ZC3H14: variants seen among roughly 807,000 people sequenced by gnomAD.
The protein encoded by ZC3H14 is zinc finger CCCH domain-containing protein 14.
In ZC3H14, 31 loss-of-function variants were observed where a neutral mutation model predicts 92.4. The observed-to-expected ratio is 0.34, with a 90% CI of 0.25 to 0.45. The LOEUF (loss-of-function observed/expected upper bound fraction) is 0.45, where lower values mean the gene tolerates loss of function less well. Among genes scored for constraint, ZC3H14 ranks in the 20% least tolerant of loss-of-function variants. The pLI is 1.00. For synonymous variants in ZC3H14, 321 were observed against 300.9 expected (o/e 1.07, Z -0.69); for missense variants, 781 against 897.3 (o/e 0.87, Z 1.66).
At chr14:88,602,735 A>G in intron 11 of ZC3H14, 93 bp from the exon 12 acceptor site, 1 of 1,335,768 alleles carries the variant, frequency 7.5e-7, no homozygotes, top group Non-Finnish European at 1.1e-6. Context: ...CGCAAAGCCA[A>G]GGGAGTGATA....
rs1055329694 is a variant in ZC3H14 at position 88,615,035 on chromosome 14, C to G, written c.*3284C>G. The G allele has an allele frequency of 1.3e-5, 2 of 152,212 alleles. No individual in the cohort carries two copies. Among genetic ancestry groups the G allele is most frequent in the Non-Finnish European group, 2.9e-5 (2 of 68,032 alleles). The allele number at this position is 152,212 out of a possible 1,614,324, so 9.4% of individuals were successfully genotyped here. On this transcript the variant is annotated 3_prime_UTR_variant, in exon 17 of 17. Coordinates refer to ENST00000251038, the MANE Select transcript of ZC3H14 (RefSeq NM_024824.5). ...ATACTGTTGCTCCCTAAAACCCTTA[C>G]ATTGTACACCATTGGGAATGATTGT... is the stretch of plus-strand genomic sequence containing the variant.
rs1410507179 is a variant in ZC3H14 at position 88,618,066 on chromosome 14, TA to T, written c.*6320del. On this transcript the variant is annotated 3_prime_UTR_variant, in exon 17 of 17. Coordinates refer to ENST00000251038, the MANE Select transcript of ZC3H14 (RefSeq NM_024824.5). Reference sequence around the variant, plus strand: ...TGATAAAACATGGAAATATATTCAATAAAAAGGGGTCCCAACATGAACATAC... The same window carrying T: ...TGATAAAACATGGAAATATATTCAATAAAAGGGGTCCCAACATGAACATAC... 4 of 445,186 alleles carry T rather than the reference TA, an allele frequency of 9.0e-6. No individual in the cohort carries two copies. Among genetic ancestry groups the T allele is most frequent in the African/African-American group, 2.0e-5 (1 of 50,154 alleles). 27.6% of individuals were successfully genotyped at this position (445,186 alleles called of 1,614,324 possible).
chr14:88,620,242 T>C lies in ZC3H14; in HGVS notation c.*8491T>C, dbSNP rs2088645046. The C allele has an allele frequency of 6.6e-6, 1 of 152,312 alleles. No individual in the cohort carries two copies. Among genetic ancestry groups the C allele is most frequent in the Non-Finnish European group, 1.5e-5 (1 of 68,106 alleles). 9.4% of individuals were successfully genotyped at this position (152,312 alleles called of 1,614,324 possible). A position where few individuals can be genotyped will look rare whatever the true frequency, so the allele number is the denominator to read the frequency against. On this transcript the variant is annotated 3_prime_UTR_variant, in exon 17 of 17. Coordinates refer to ENST00000251038, the MANE Select transcript of ZC3H14 (RefSeq NM_024824.5). This position sits in a 1 kb window ranked among gnomAD's most constrained non-coding sequence, Gnocchi z 4.3. ...TGATCACACGGAAGTACTCCGTAAA[T>C]GGTAGCCACTGTTGAAAAATGCTTA...
intron 10 of ZC3H14, among the ~76,000 whole-genome samples, chr14:88,597,073 G>T (rs564757890): frequency 6.6e-6 from 1 of 152,204 alleles, no homozygotes; most frequent in East Asian, 1.9e-4. Context: ...TCACTCTCCT[G>T]CTGTCAGGAG....
At chr14:88,596,047 G>A (rs954517954) in intron 9 of ZC3H14, among the ~76,000 whole-genome samples, 2 of 152,212 alleles carry the variant, frequency 1.3e-5, no homozygotes, top group African/African-American at 4.8e-5. Flanking sequence ...ATTTTGTGCA[G>A]TCAGACTGCT....
In ZC3H14 at chr14:88,616,069, TGTAGGAG is replaced by T; in HGVS notation, c.*4319_*4325del. The T allele has an allele frequency of 6.7e-7, 1 of 1,503,400 alleles. No individual in the cohort carries two copies. Among genetic ancestry groups the T allele is most frequent in the Non-Finnish European group, 9.3e-7 (1 of 1,080,982 alleles). 93.1% of individuals were successfully genotyped at this position (1,503,400 alleles called of 1,614,324 possible). On this transcript the variant is annotated 3_prime_UTR_variant, in exon 17 of 17. Transcript: ENST00000251038. ...ACTAGCTGATTTCATAAACCAAAGC[TGTAGGAG>T]TTGTTGTATTAAGTCTCTTAACTAG... is the stretch of plus-strand genomic sequence containing the variant.
At chr14:88,611,618 C>T in intron 16 of ZC3H14, 127 bp from the exon 17 acceptor site, 1 of 1,019,146 alleles carries the variant, frequency 9.8e-7, no homozygotes, top group Non-Finnish European at 1.4e-6. Context: ...AAAAATCTGC[C>T]ATTTATATTG....
chr14:88,616,311 C>CTA lies in ZC3H14; in HGVS notation c.*4563_*4564dup, dbSNP rs2087604672. ...AGAAGTCAAAGGCTCTTATTAGGAACTATAATCTCTATGACAAGAGCTGTG... is the reference window on the plus strand; with the variant it reads ...AGAAGTCAAAGGCTCTTATTAGGAACTATATAATCTCTATGACAAGAGCTGTG... On this transcript the variant is annotated 3_prime_UTR_variant, in exon 17 of 17. Transcript: ENST00000251038. 1 of 1,403,188 alleles carries CTA rather than the reference C, an allele frequency of 7.1e-7. No homozygotes were observed. The highest frequency in any genetic ancestry group is 1.4e-5 in the African/African-American group (1 of 70,512). 86.9% of individuals were successfully genotyped at this position (1,403,188 alleles called of 1,614,324 possible).
At chr14:88,571,656 C>T (rs775243455) in intron 4 of ZC3H14, among the ~76,000 whole-genome samples, 32 of 152,126 alleles carry the variant, frequency 2.1e-4, no homozygotes, top group Admixed American at 6.5e-4. Flanking sequence ...AGGAAGGAAA[C>T]GACTTAAAGT....
intron 4 of ZC3H14, among the ~76,000 whole-genome samples, 159 bp downstream of exon 4, chr14:88,571,283 A>G (rs1028882757): frequency 6.6e-6 from 1 of 152,132 alleles, no homozygotes; most frequent in African/African-American, 2.4e-5. Context: ...AGAGCAGTAA[A>G]TTTAACATAA....
At position 88,563,345 on chromosome 14, in the gene ZC3H14, C is replaced by T. The variant is rs1047107557; in HGVS notation, c.36+176C>T. ...CCTCGGCCCTGGGGACATTTGCGGC[C>T]TCGGAGCGTGGCTGCGGCTGAAGTA... On this transcript the variant is annotated intron_variant, in intron 1 of 16. Coordinates refer to ENST00000251038, the MANE Select transcript of ZC3H14 (RefSeq NM_024824.5). 4.1e-6 allele frequency: 6 copies of T among 1,471,822 alleles called. No homozygotes were observed. In the African/African-American group the frequency reaches 8.6e-5, roughly 21 times the overall value. The allele number at this position is 1,471,822 out of a possible 1,614,324, so 91.2% of individuals were successfully genotyped here.
At chr14:88,595,270 T>C (rs1316843521) in intron 9 of ZC3H14, among the ~76,000 whole-genome samples, 1 of 152,220 alleles carries the variant, frequency 6.6e-6, no homozygotes, top group East Asian at 1.9e-4. Flanking sequence ...TTGATTTAGC[T>C]TAGCAATCTA....
In ZC3H14 at chr14:88,610,957, GTTTTTCTCATGTCAGTTCAAATTCT is replaced by G. The variant is rs755747529; in HGVS notation, c.2204+25_2204+49del. On this transcript the variant is annotated intron_variant, in intron 16 of 16. Coordinates refer to ENST00000251038, the MANE Select transcript of ZC3H14 (RefSeq NM_024824.5). ...TCAAACCAGGTAAACATTCAAATTCGTTTTTCTCATGTCAGTTCAAATTCTTTTTTCTAATTTGCAGTTTCTAAAT... is the reference window on the plus strand; with the variant it reads ...TCAAACCAGGTAAACATTCAAATTCGTTTTTCTAATTTGCAGTTTCTAAAT... 2.1e-4 allele frequency: 333 copies of G among 1,567,314 alleles called. No individual in the cohort carries two copies. In the African/African-American group the frequency reaches 3.9e-3, roughly 18 times the overall value.
rs76593307 is a variant in ZC3H14 at position 88,618,497 on chromosome 14, T to G, written c.*6746T>G. ...TTAATAGGAGAAAAGCTCTGATAAG[T>G]GGGGGAGGAAAGGGGAGCTGTAGGT... On this transcript the variant is annotated 3_prime_UTR_variant, in exon 17 of 17. Transcript: ENST00000251038. 18,495 of 1,092,658 alleles carry G rather than the reference T, an allele frequency of 0.017. 214 individuals carry two copies. Among genetic ancestry groups the G allele is most frequent in the East Asian group, 0.036 (1,389 of 38,504 alleles). 67.7% of individuals were successfully genotyped at this position (1,092,658 alleles called of 1,614,324 possible). A position where few individuals can be genotyped will look rare whatever the true frequency, so the allele number is the denominator to read the frequency against.
At chr14:88,604,367 T>G (rs1462616201) in intron 12 of ZC3H14, among the ~76,000 whole-genome samples, 1 of 152,110 alleles carries the variant, frequency 6.6e-6, no homozygotes, top group African/African-American at 2.4e-5. Context: ...GATGAAGCTT[T>G]GTAAGATTAG....
chr14:88,598,265 G>A (rs2084129036), intron 10 of ZC3H14, among the ~76,000 whole-genome samples: 1 of 152,152 alleles, frequency 6.6e-6, no homozygotes, highest in African/African-American at 2.4e-5. Context: ...GTGGTGGAAA[G>A]TGATTTGTCC....
chr14:88,603,172 G>T (rs2084886066), intron 12 of ZC3H14, 112 bp downstream of exon 12: 1 of 1,035,746 alleles, frequency 9.7e-7, no homozygotes, highest in South Asian at 1.4e-5. Context: ...TTTATATTCA[G>T]TAATGGCCTT....
rs1226185333 is a variant in ZC3H14, at chr14:88,621,300, C to T, written c.*9549C>T. 6.2e-7 allele frequency: 1 copy of T among 1,613,716 alleles called. No homozygotes were observed. The highest frequency in any genetic ancestry group is 8.5e-7 in the Non-Finnish European group (1 of 1,179,846). On this transcript the variant is annotated 3_prime_UTR_variant, in exon 17 of 17. Transcript: ENST00000251038. ...ATTCCTTGTCCCAACAAGGATCTTG[C>T]CCTGAAACACAAGCAGGACCAATAC...
At position 88,589,592 on chromosome 14, in the gene ZC3H14, A is replaced by G. The variant is rs370459907; in HGVS notation, c.1280-7142A>G. 3.3e-5 allele frequency: 5 copies of G among 152,236 alleles called. 1 individual carries two copies. Among genetic ancestry groups the G allele is most frequent in the African/African-American group, 1.2e-4 (5 of 41,536 alleles). 9.4% of individuals were successfully genotyped at this position (152,236 alleles called of 1,614,324 possible). Reference sequence around the variant, plus strand: ...TCATTTCAAACTTGTCCAAAGCTCAACTATGAATTTTCCTCTCCTGTCTGT... The same window carrying G: ...TCATTTCAAACTTGTCCAAAGCTCAGCTATGAATTTTCCTCTCCTGTCTGT... On this transcript the variant is annotated intron_variant, in intron 9 of 16. Coordinates refer to ENST00000251038, the MANE Select transcript of ZC3H14 (RefSeq NM_024824.5).
Sources: allele counts gnomAD v4.1 joint callset (sites outside exome capture counted in the v4.1 genomes callset), GRCh38; gene constraint gnomAD v4.1.1; non-coding constraint Gnocchi (gnomAD v3.1); transcripts MANE v1.5; gene names NCBI Gene and HGNC (gene_info 2026-07-23, HGNC 2026-07-21).